SEL1L: variants seen among roughly 807,000 people sequenced by gnomAD.
SEL1L encodes protein sel-1 homolog 1.
SEL1L carries 52 observed loss-of-function variants against 109.8 expected under a neutral mutation model. The observed-to-expected ratio is 0.47, with a 90% CI of 0.38 to 0.60. The LOEUF (loss-of-function observed/expected upper bound fraction) is 0.60. Ranked by LOEUF, SEL1L falls within the 20% of genes least tolerant of loss-of-function variation. The pLI is 0.00. For synonymous variants in SEL1L, 373 were observed against 339.6 expected (o/e 1.10, Z -1.08); for missense variants, 749 against 962.2 (o/e 0.78, Z 2.93).
intron 12 of SEL1L, among the ~76,000 whole-genome samples, chr14:81,491,021 T>C (rs1253424976): frequency 6.6e-6 from 1 of 152,250 alleles, no homozygotes; most frequent in African/African-American, 2.4e-5. Context: ...TAAACATGAA[T>C]ACATAAAATC....
intron 6 of SEL1L, among the ~76,000 whole-genome samples, chr14:81,500,808 T>C (rs1883972587): frequency 6.6e-6 from 1 of 152,174 alleles, no homozygotes; most frequent in Non-Finnish European, 1.5e-5. Context: ...GGAAAAAGGC[T>C]GCTCTACAAT....
At chr14:81,480,252 G>C (rs573592301) in intron 19 of SEL1L, among the ~76,000 whole-genome samples, 2 of 151,870 alleles carry the variant, frequency 1.3e-5, no homozygotes, top group African/African-American at 4.8e-5. Flanking sequence ...GCAGTGGCGC[G>C]ATCTCGGCTC....
At position 81,487,900 on chromosome 14, in the gene SEL1L, GTTCAGCAGCTTTCTGGAAATAC is replaced by G; in HGVS notation, c.1416_1437del (p.Lys472AsnfsTer29). The G allele has an allele frequency of 6.2e-7, 1 of 1,613,834 alleles. No individual in the cohort carries two copies. The highest frequency in any genetic ancestry group is 8.5e-7 in the Non-Finnish European group (1 of 1,179,930). The stretch of plus-strand genomic sequence containing the variant: ...TGTAGCTGCCCATCCACCCAGCCTT[GTTCAGCAGCTTTCTGGAAATAC>G]TTAAGGGCTAGATCATAATTCTGTA... On this transcript the variant is annotated frameshift_variant, in exon 15 of 21. Transcript: ENST00000336735. LOFTEE classifies it high-confidence loss of function.
In SEL1L at chr14:81,487,511, T is replaced by C; in HGVS notation, c.1511A>G (p.Lys504Arg). ...YNGIGVKRDY[K>R]QALKYFNLAS... ...TAAATTAAAATACTTCAAGGCCTGTTTATAATCTCTCTTGACTCCAATGCC... is the reference window on the plus strand; with the variant it reads ...TAAATTAAAATACTTCAAGGCCTGTCTATAATCTCTCTTGACTCCAATGCC... The change falls in exon 16 of 21, where the codon AAA (lysine) becomes AGA (arginine). Residue 504 changes from lysine to arginine, a missense_variant. Lys to Arg is a conservative substitution (Grantham distance 26). Transcript: ENST00000336735. 1 of 1,604,438 alleles carries C rather than the reference T, an allele frequency of 6.2e-7. No homozygotes were observed. The highest frequency in any genetic ancestry group is 8.5e-7 in the Non-Finnish European group (1 of 1,178,114).
chr14:81,510,509 T>TCTCTCG (rs1884428664), intron 3 of SEL1L, among the ~76,000 whole-genome samples: 1 of 130,938 alleles, frequency 7.6e-6, no homozygotes. Flanking sequence ...TCTCTCTCTC[T>TCTCTCG]CTCTCTATAT....
intron 1 of SEL1L, among the ~76,000 whole-genome samples, chr14:81,528,826 T>C (rs1268601772): frequency 1.3e-5 from 2 of 152,168 alleles, no homozygotes; most frequent in African/African-American, 4.8e-5. Flanking sequence ...CTAAATATCA[T>C]TTGTAATTTG....
chr14:81,494,059 C>T (rs528290190), intron 11 of SEL1L, among the ~76,000 whole-genome samples: 10 of 152,280 alleles, frequency 6.6e-5, no homozygotes, highest in Admixed American at 2.6e-4. Flanking sequence ...GATGGCAACT[C>T]CTAAATTTAT....
chr14:81,498,515 A>ATCTCT, intron 8 of SEL1L, 21 bp from the exon 9 acceptor site: 1 of 1,577,542 alleles, frequency 6.3e-7, no homozygotes, highest in Non-Finnish European at 8.7e-7. Flanking sequence ...ACTTCACGTG[A>ATCTCT]GGAGGCAGCA....
At chr14:81,501,463 C>T (rs1250639574) in intron 6 of SEL1L, among the ~76,000 whole-genome samples, 1 of 151,958 alleles carries the variant, frequency 6.6e-6, no homozygotes, top group Non-Finnish European at 1.5e-5. Flanking sequence ...CTGATTCACG[C>T]AAAGAAGAGA....
In SEL1L at chr14:81,485,780, T is replaced by G. The variant is rs764115816; in HGVS notation, c.1799-34A>C. On this transcript the variant is annotated intron_variant, in intron 17 of 20. Transcript: ENST00000336735. The stretch of plus-strand genomic sequence containing the variant: ...AAAGAAATGAAATACAAATCAGGCA[T>G]TTAAGAAAAGGCACTAGACTTAATT... 8 of 1,591,106 alleles carry G rather than the reference T, an allele frequency of 5.0e-6. No homozygotes were observed. In the East Asian group the frequency reaches 1.3e-4, roughly 27 times the overall value.
intron 3 of SEL1L, among the ~76,000 whole-genome samples, chr14:81,506,954 A>G (rs1398773544): frequency 6.6e-6 from 1 of 152,198 alleles, no homozygotes; most frequent in Non-Finnish European, 1.5e-5. Flanking sequence ...GATGGATGCT[A>G]TGGAAAGGAA....
chr14:81,514,791 G>A (rs1884632542), intron 3 of SEL1L, among the ~76,000 whole-genome samples: 1 of 152,062 alleles, frequency 6.6e-6, no homozygotes, highest in South Asian at 2.1e-4. Context: ...GGACCAATTT[G>A]ACCCATAAAC....
chr14:81,486,604 C>G, intron 16 of SEL1L, 150 bp from the exon 17 acceptor site: 1 of 632,302 alleles, frequency 1.6e-6, no homozygotes, highest in Non-Finnish European at 2.6e-6. Flanking sequence ...GTTTGAGATA[C>G]TTATTTAAAG....
intron 3 of SEL1L, among the ~76,000 whole-genome samples, chr14:81,513,711 C>A (rs1268519365): frequency 6.6e-6 from 1 of 152,172 alleles, no homozygotes; most frequent in East Asian, 1.9e-4. Flanking sequence ...GGCCGCCGGA[C>A]TAAAGACACG....
intron 19 of SEL1L, among the ~76,000 whole-genome samples, chr14:81,483,978 T>G (rs1291075503): frequency 2.0e-5 from 3 of 152,256 alleles, no homozygotes; most frequent in African/African-American, 7.2e-5. Context: ...GAGGAAGCAC[T>G]GCACTTCCAT....
chr14:81,475,305 G>A lies in SEL1L; in HGVS notation c.*1667C>T, dbSNP rs975793567. The stretch of plus-strand genomic sequence containing the variant: ...TGGCTCTCTTGGTGACTAACTCTTC[G>A]AATTTGGAAGCAATTATCTGGGAGG... On this transcript the variant is annotated 3_prime_UTR_variant, in exon 21 of 21. Coordinates refer to ENST00000336735, the MANE Select transcript of SEL1L (RefSeq NM_005065.6). 1.2e-4 allele frequency: 18 copies of A among 152,500 alleles called. No individual in the cohort carries two copies. The East Asian group carries it at 1.5e-3, about 13-fold the overall frequency. The allele number at this position is 152,500 out of a possible 1,614,324, so 9.4% of individuals were successfully genotyped here.
At chr14:81,481,726 C>T (rs1256870654) in intron 19 of SEL1L, among the ~76,000 whole-genome samples, 1 of 151,996 alleles carries the variant, frequency 6.6e-6, no homozygotes, top group East Asian at 1.9e-4. Context: ...AAGGTGATCA[C>T]GATGTCTTAT....
intron 1 of SEL1L, among the ~76,000 whole-genome samples, chr14:81,531,777 AAGT>A (rs1486190973): frequency 2.0e-5 from 3 of 152,142 alleles, no homozygotes; most frequent in African/African-American, 7.2e-5. Flanking sequence ...TCCTGGGCTC[AAGT>A]GATCCTTCCA....
At chr14:81,477,233 G>A (rs1903190813) in intron 20 of SEL1L, 52 bp from the exon 21 acceptor site, 2 of 1,454,782 alleles carry the variant, frequency 1.4e-6, no homozygotes, top group Admixed American at 3.6e-5. Flanking sequence ...GTCAGGCAAG[G>A]AACTGGGAAA....
Sources: gnomAD v4.1 joint callset for allele counts (sites outside exome capture counted in the v4.1 genomes callset) on GRCh38, gnomAD v4.1.1 for gene constraint, MANE v1.5 for transcripts, NCBI Gene and HGNC (gene_info 2026-07-23, HGNC 2026-07-21) for gene names.